The following SLC4A7 variants were observed in gnomAD, a reference collection of about 807,000 sequenced individuals.
SLC4A7 encodes the protein solute carrier family 4 member 7.
In SLC4A7, 51 loss-of-function variants were observed where a neutral mutation model predicts 137.6. The observed-to-expected ratio is 0.37, with a 90% CI of 0.30 to 0.47. The LOEUF is 0.47. Among genes scored for constraint, SLC4A7 ranks in the 20% least tolerant of loss-of-function variants. The probability of loss-of-function intolerance (pLI) is 1.00; values close to 1 mark genes in which losing one functional copy is unlikely to be tolerated. For synonymous variants in SLC4A7, 542 were observed against 518.6 expected (o/e 1.05, Z -0.61); for missense variants, 1,247 against 1,525.4 (o/e 0.82, Z 3.04).
intron 25 of SLC4A7, among the ~76,000 whole-genome samples, chr3:27,377,932 AGG>A (rs1425075418): frequency 6.6e-6 from 1 of 152,246 alleles, no homozygotes; most frequent in Non-Finnish European, 1.5e-5. Context: ...TTTGAAGTGC[AGG>A]GCAACCCAAA....
intron 2 of SLC4A7, 130 bp downstream of exon 2, chr3:27,452,287 A>G (rs777005010): frequency 3.4e-6 from 2 of 593,812 alleles, no homozygotes; most frequent in East Asian, 3.2e-5. Context: ...ACTCTTCTCA[A>G]TGTACGCTTT....
chr3:27,422,890 A>C (rs1369024104), intron 8 of SLC4A7: 1 of 442,842 alleles, frequency 2.3e-6, no homozygotes, highest in Non-Finnish European at 4.6e-6. Context: ...CCAAGTAAAA[A>C]AAAGTAAGAC....
intron 3 of SLC4A7, among the ~76,000 whole-genome samples, chr3:27,443,137 T>C (rs986465532): frequency 2.8e-5 from 4 of 143,772 alleles, no homozygotes; most frequent in Non-Finnish European, 4.5e-5. Flanking sequence ...ATTCAAGCAA[T>C]TCTCCTGTCT....
intron 2 of SLC4A7, among the ~76,000 whole-genome samples, chr3:27,449,388 TAATA>T (rs929010549): frequency 1.3e-5 from 2 of 149,334 alleles, no homozygotes; most frequent in African/African-American, 4.9e-5. Flanking sequence ...AATTACTTTA[TAATA>T]AATATAATGT....
chr3:27,388,921 C>T (rs938128688), intron 22 of SLC4A7, among the ~76,000 whole-genome samples: 2 of 112,326 alleles, frequency 1.8e-5, no homozygotes, highest in Non-Finnish European at 4.8e-5. Context: ...AGTTTATTGA[C>T]CTCTGCTCTA....
At chr3:27,382,983 C>T (rs1248796639) in intron 24 of SLC4A7, among the ~76,000 whole-genome samples, 170 bp downstream of exon 24, 1 of 152,202 alleles carries the variant, frequency 6.6e-6, no homozygotes, top group Non-Finnish European at 1.5e-5. Flanking sequence ...GGGAAAGGAG[C>T]AAGGGACTTC....
At chr3:27,447,187 A>G (rs2057724119) in intron 3 of SLC4A7, among the ~76,000 whole-genome samples, 2 of 151,736 alleles carry the variant, frequency 1.3e-5, no homozygotes, top group Non-Finnish European at 2.9e-5. Context: ...CGCCCAGCTG[A>G]GTAGAGTTTC....
intron 5 of SLC4A7, among the ~76,000 whole-genome samples, chr3:27,434,488 A>C (rs949921283): frequency 6.6e-6 from 1 of 152,192 alleles, no homozygotes; most frequent in African/African-American, 2.4e-5. Flanking sequence ...CAGCAGATGA[A>C]TATCAGGACC....
chr3:27,441,193 T>C (rs1290724445), intron 3 of SLC4A7, among the ~76,000 whole-genome samples: 1 of 152,234 alleles, frequency 6.6e-6, no homozygotes, highest in Non-Finnish European at 1.5e-5. Context: ...TATATTATCC[T>C]TTTTAAACAT....
At chr3:27,384,835 T>G (rs1225453381) in intron 23 of SLC4A7, among the ~76,000 whole-genome samples, 1 of 151,828 alleles carries the variant, frequency 6.6e-6, no homozygotes, top group Non-Finnish European at 1.5e-5. Flanking sequence ...TGGTGGCGGG[T>G]GCCTGTAATC....
chr3:27,442,557 T>C (rs971930769), intron 3 of SLC4A7, among the ~76,000 whole-genome samples: 1 of 151,930 alleles, frequency 6.6e-6, no homozygotes, highest in African/African-American at 2.4e-5. Context: ...TCAGCTGGGA[T>C]AACAGGCATG....
At chr3:27,479,893 G>A (rs2059638659) in intron 1 of SLC4A7, among the ~76,000 whole-genome samples, 1 of 152,220 alleles carries the variant, frequency 6.6e-6, no homozygotes, top group African/African-American at 2.4e-5. Context: ...GGCCCACACA[G>A]TTTAGTCAGT....
Position 27,379,411 on chromosome 3 carries a change from A to G in SLC4A7, c.3591-55T>C, listed in dbSNP as rs1576046532. ...ATTCAGTACTTGCAAAAGCATTAATATTGTCATTCTTATTATCTGCTTTCA... is the reference window on the plus strand; with the variant it reads ...ATTCAGTACTTGCAAAAGCATTAATGTTGTCATTCTTATTATCTGCTTTCA... On this transcript the variant is annotated intron_variant, in intron 24 of 25. Coordinates refer to ENST00000454389, the MANE Select transcript of SLC4A7 (RefSeq NM_001321103.2). 3.5e-6 allele frequency: 3 copies of G among 869,162 alleles called. No homozygotes were observed. The South Asian group carries it at 4.5e-5, about 13-fold the overall frequency. The allele number at this position is 869,162 out of a possible 1,614,324, so 53.8% of individuals were successfully genotyped here.
intron 18 of SLC4A7, among the ~76,000 whole-genome samples, chr3:27,396,715 T>C (rs533149529): frequency 1.1e-3 from 165 of 152,274 alleles, no homozygotes; most frequent in Admixed American, 3.5e-3. Context: ...CAGCTGCTTC[T>C]GAAAGAAGTC....
intron 1 of SLC4A7, among the ~76,000 whole-genome samples, chr3:27,453,901 A>G (rs935587932): frequency 1.3e-5 from 2 of 152,234 alleles, no homozygotes; most frequent in African/African-American, 4.8e-5. Flanking sequence ...ATGACTCTGA[A>G]TGATTGGTGT....
intron 24 of SLC4A7, among the ~76,000 whole-genome samples, chr3:27,382,697 T>C (rs113570338): frequency 3.5e-3 from 532 of 152,232 alleles, no homozygotes; most frequent in African/African-American, 0.012. Context: ...TAGTTACATA[T>C]TGGAAGGCTA....
Position 27,374,747 on chromosome 3 carries a change from T to C in SLC4A7, c.*2017A>G, listed in dbSNP as rs2049786371. On this transcript the variant is annotated 3_prime_UTR_variant, in exon 26 of 26. Coordinates refer to ENST00000454389, the MANE Select transcript of SLC4A7 (RefSeq NM_001321103.2). ...CCAGGTAGTTTTCAGTTTTAAAATT[T>C]CTTCCTGTAAAGTAAGTACAGTTGT... 6.6e-6 allele frequency: 1 copy of C among 152,550 alleles called. No homozygotes were observed. Among genetic ancestry groups the C allele is most frequent in the Non-Finnish European group, 1.5e-5 (1 of 67,934 alleles). The allele number at this position is 152,550 out of a possible 1,614,324, so 9.4% of individuals were successfully genotyped here.
chr3:27,374,961 T>G lies in SLC4A7; in HGVS notation c.*1803A>C, dbSNP rs1057030343. 1 of 152,422 alleles carries G rather than the reference T, an allele frequency of 6.6e-6. No individual in the cohort carries two copies. Among genetic ancestry groups the G allele is most frequent in the South Asian group, 2.1e-4 (1 of 4,836 alleles). The allele number at this position is 152,422 out of a possible 1,614,324, so 9.4% of individuals were successfully genotyped here. A position where few individuals can be genotyped will look rare whatever the true frequency, so the allele number is the denominator to read the frequency against. ...AGCACCGTGGGTAATACTCTATCAA[T>G]TGCCAATAGAGTCTAACTCTTTTTA... On this transcript the variant is annotated 3_prime_UTR_variant, in exon 26 of 26. Transcript: ENST00000454389.
chr3:27,454,857 A>G (rs1404049653), intron 1 of SLC4A7, among the ~76,000 whole-genome samples: 1 of 152,172 alleles, frequency 6.6e-6, no homozygotes, highest in East Asian at 1.9e-4. Flanking sequence ...CCTTCAAATA[A>G]CAACAAAAAG....
Sources: gnomAD v4.1 joint callset for allele counts (sites outside exome capture counted in the v4.1 genomes callset) on GRCh38, gnomAD v4.1.1 for gene constraint, MANE v1.5 for transcripts, NCBI Gene and HGNC (gene_info 2026-07-23, HGNC 2026-07-21) for gene names.